Variants in MTR observed in about 807,000 individuals in gnomAD.
MTR encodes 5-methyltetrahydrofolate-homocysteine methyltransferase, also known as methionine synthase.
Under a neutral mutation model 154.8 loss-of-function variants are expected in MTR, and 84 were observed. That is an observed-to-expected ratio of 0.54 (90% CI 0.45 to 0.65). MTR has a LOEUF of 0.65. Ranked by LOEUF, MTR falls within the 30% of genes least tolerant of loss-of-function variation. The pLI, the probability that MTR is intolerant of heterozygous loss-of-function variation, is 0.00. For missense variants in MTR, 1,275 were observed against 1,570.2 expected, an observed-to-expected ratio of 0.81 and a Z score of 3.18; for synonymous variants, 554 against 553.9, an observed-to-expected ratio of 1.00 and a Z score of 0.00.
intron 31 of MTR, 39 bp from the exon 32 acceptor site, chr1:236,896,967 C>G (rs914331395): frequency 2.6e-5 from 39 of 1,472,898 alleles, no homozygotes; most frequent in Non-Finnish European, 3.7e-5. Context: ...GTGCTAGACA[C>G]TGAGTCCATA....
intron 4 of MTR, among the ~76,000 whole-genome samples, chr1:236,809,587 G>A (rs1158832533): frequency 1.3e-5 from 2 of 152,200 alleles, no homozygotes; most frequent in Non-Finnish European, 2.9e-5. Context: ...CAGAGTCACA[G>A]GTCAGAGGAC....
chr1:236,885,896 TTC>T (rs1311423210), intron 26 of MTR, among the ~76,000 whole-genome samples: 2 of 152,196 alleles, frequency 1.3e-5, no homozygotes, highest in Non-Finnish European at 1.5e-5. Flanking sequence ...GTTGGCTTTT[TTC>T]TCTCTCCTTA....
chr1:236,893,997 A>G (rs1339821798), intron 29 of MTR, among the ~76,000 whole-genome samples: 1 of 150,508 alleles, frequency 6.6e-6, no homozygotes, highest in Non-Finnish European at 1.5e-5. Flanking sequence ...ACTTGGGGAC[A>G]AATTTTTTTT....
chr1:236,795,808 G>A, intron 1 of MTR, 71 bp downstream of exon 1: 2 of 1,609,996 alleles, frequency 1.2e-6, no homozygotes, highest in Middle Eastern at 1.7e-4. Context: ...CTAATCCCTG[G>A]GGCGATTCCC....
At chr1:236,844,724 A>G (rs1316081366) in intron 15 of MTR, among the ~76,000 whole-genome samples, 1 of 152,140 alleles carries the variant, frequency 6.6e-6, no homozygotes, top group African/African-American at 2.4e-5. Context: ...GCAGATCTGC[A>G]GGCATGCTGG....
At chr1:236,805,056 C>A (rs2185208) in intron 2 of MTR, among the ~76,000 whole-genome samples, 109,517 of 152,078 alleles carry the variant, frequency 0.72, 40,714 homozygotes, top group African/African-American at 0.91. Context: ...GTAGATATTT[C>A]GGATGTTTGT....
intron 3 of MTR, among the ~76,000 whole-genome samples, chr1:236,806,523 T>C (rs1660995433): frequency 6.6e-6 from 1 of 152,252 alleles, no homozygotes; most frequent in South Asian, 2.1e-4. Context: ...GCACACAGTA[T>C]TGTGAGGCCT....
intron 31 of MTR, 30 bp from the exon 32 acceptor site, chr1:236,896,976 T>G: frequency 6.5e-7 from 1 of 1,528,424 alleles, no homozygotes; most frequent in Non-Finnish European, 9.1e-7. Flanking sequence ...ACTGAGTCCA[T>G]AAGCATTTTC....
In MTR at chr1:236,889,106, T is replaced by C. The variant is rs962628294; in HGVS notation, c.2852-75T>C. 3.8e-6 allele frequency: 6 copies of C among 1,574,250 alleles called. No individual in the cohort carries two copies. In the African/African-American group the frequency reaches 8.1e-5, roughly 21 times the overall value. On this transcript the variant is annotated intron_variant, in intron 27 of 32. Coordinates refer to ENST00000366577, the MANE Select transcript of MTR (RefSeq NM_000254.3). ...CGGAGTGTGGGAGTTGGCAGAGCAG[T>C]GAGGAGCTGGCAGGGAGGCCTCCAT...
rs113149577 is a variant in MTR, at chr1:236,834,529, T to A, written c.1189-1018T>A. Reference sequence around the variant, plus strand: ...TCCTTTTTCTCTATGTGGCCTTGGCTCACTACATGTGGTGTTTCCTTGTAG... The same window carrying A: ...TCCTTTTTCTCTATGTGGCCTTGGCACACTACATGTGGTGTTTCCTTGTAG... On this transcript the variant is annotated intron_variant, in intron 13 of 32. Transcript: ENST00000366577. Among the ~76,000 whole-genome samples the A allele has an allele frequency of 3.1e-3, 477 of 152,312 alleles. 2 individuals carry two copies. The highest frequency in any genetic ancestry group is 0.011 in the African/African-American group (447 of 41,556).
At position 236,832,935 on chromosome 1, in the gene MTR, G is replaced by T. The variant is rs1036394147; in HGVS notation, c.1188+857G>T. 2.0e-5 allele frequency among the ~76,000 whole-genome samples: 3 copies of T among 152,310 alleles called. No individual in the cohort carries two copies. In the East Asian group the frequency reaches 5.8e-4, roughly 29 times the overall value. On this transcript the variant is annotated intron_variant, in intron 13 of 32. Transcript: ENST00000366577. The stretch of plus-strand genomic sequence containing the variant: ...GTTGCCCAGTTTCACCACTTCCTCT[G>T]TTGGTCCTCTTCCCCTCATTCTTGC...
chr1:236,892,598 A>G (rs1182759778), intron 29 of MTR, among the ~76,000 whole-genome samples: 1 of 152,200 alleles, frequency 6.6e-6, no homozygotes, highest in East Asian at 1.9e-4. Flanking sequence ...TGGGGCCTTC[A>G]GCAGTACCAT....
chr1:236,795,412 C>G lies in MTR; in HGVS notation c.-292C>G, dbSNP rs1336704945. 9 of 1,458,780 alleles carry G rather than the reference C, an allele frequency of 6.2e-6. No individual in the cohort carries two copies. In the Admixed American group the frequency reaches 1.2e-4, roughly 20 times the overall value. The allele number at this position is 1,458,780 out of a possible 1,614,324, so 90.4% of individuals were successfully genotyped here. ...TCCGTGCCGTCCCGCGACTCCGCCT[C>G]TGGCCGCGCGTGTCTGGCTGCTAGG... On this transcript the variant is annotated 5_prime_UTR_variant, in exon 1 of 33. Coordinates refer to ENST00000366577, the MANE Select transcript of MTR (RefSeq NM_000254.3).
intron 24 of MTR, among the ~76,000 whole-genome samples, chr1:236,878,309 G>A (rs1266551288): frequency 6.6e-6 from 1 of 152,170 alleles, no homozygotes; most frequent in Non-Finnish European, 1.5e-5. Context: ...TGTCTCAGAA[G>A]CCCATCTGAG....
chr1:236,859,780 C>A, intron 18 of MTR, 53 bp from the exon 19 acceptor site: 2 of 1,396,156 alleles, frequency 1.4e-6, no homozygotes, highest in Non-Finnish European at 2.0e-6. Context: ...TGCCATCAAA[C>A]AGTTTGGTTA....
At chr1:236,845,245 G>A (rs1259921008) in intron 15 of MTR, among the ~76,000 whole-genome samples, 1 of 152,154 alleles carries the variant, frequency 6.6e-6, no homozygotes, top group Non-Finnish European at 1.5e-5. Flanking sequence ...CTAAGGATAG[G>A]TTTTCCCAAT....
At chr1:236,841,647 CTT>C (rs376000408) in intron 15 of MTR, among the ~76,000 whole-genome samples, 3 of 145,898 alleles carry the variant, frequency 2.1e-5, no homozygotes, top group African/African-American at 5.0e-5. Flanking sequence ...CTTGGTTAAT[CTT>C]TTTTTTTTTT....
intron 25 of MTR, among the ~76,000 whole-genome samples, chr1:236,882,017 T>TAG (rs1239848483): frequency 1.3e-5 from 2 of 152,232 alleles, no homozygotes; most frequent in Non-Finnish European, 2.9e-5. Context: ...CCATTAATAT[T>TAG]TAACAATTCT....
chr1:236,809,563 G>A (rs1169702195), intron 4 of MTR, among the ~76,000 whole-genome samples: 2 of 152,200 alleles, frequency 1.3e-5, no homozygotes, highest in African/African-American at 4.8e-5. Context: ...GAAATGCATA[G>A]ACTATTACTC....
Sources: allele counts gnomAD v4.1 joint callset (sites outside exome capture counted in the v4.1 genomes callset), GRCh38; gene constraint gnomAD v4.1.1; transcripts MANE v1.5; gene names NCBI Gene and HGNC (gene_info 2026-07-23, HGNC 2026-07-21).